PAWR: variants seen among roughly 807,000 people sequenced by gnomAD.
PAWR encodes the protein PRKC apoptosis WT1 regulator protein.
PAWR carries 23 observed loss-of-function variants against 32.0 expected under a neutral mutation model. The observed-to-expected ratio is 0.72, with a 90% CI of 0.52 to 1.02. PAWR has a LOEUF of 1.02. Among genes scored for constraint, PAWR ranks in the 50% least tolerant of loss-of-function variants. The probability of loss-of-function intolerance (pLI) is 0.00; values close to 1 mark genes in which losing one functional copy is unlikely to be tolerated. For missense variants in PAWR, 457 were observed against 437.7 expected (o/e 1.04, Z -0.39); for synonymous variants, 226 against 187.1 (o/e 1.21, Z -1.70).
chr12:79,612,115 T>C (rs1874465589), intron 4 of PAWR, among the ~76,000 whole-genome samples: 1 of 152,164 alleles, frequency 6.6e-6, no homozygotes, highest in South Asian at 2.1e-4. Context: ...ATCAAGGCTA[T>C]TTCATAATTA....
chr12:79,632,332 T>C lies in PAWR; in HGVS notation c.517-11125A>G, dbSNP rs1255871963. On this transcript the variant is annotated intron_variant, in intron 2 of 6. Transcript: ENST00000328827. ...ACATACATATATATATATATATATATATATATATATATATATATATATATA... is the reference window on the plus strand; with the variant it reads ...ACATACATATATATATATATATATACATATATATATATATATATATATATA... Among the ~76,000 whole-genome samples the C allele has an allele frequency of 1.1e-3, 56 of 48,730 alleles. 3 individuals are homozygous for C. The highest frequency in any genetic ancestry group is 3.7e-3 in the African/African-American group (13 of 3,474). 32.0% of individuals were successfully genotyped at this position (48,730 alleles called of 152,430 possible).
chr12:79,689,866 C>T lies in PAWR; in HGVS notation c.379G>A (p.Glu127Lys). ...ASAAPPPQRD[E>K]EEPDGVPEKG... ...TCTGGGACGCCGTCCGGCTCCTCCT[C>T]GTCACGCTGGGGCGGCGGTGCAGCC... The change falls in exon 2 of 7, where the codon GAG (glutamate) becomes AAG (lysine). Residue 127 changes from glutamate to lysine, a missense_variant. By Grantham distance (56) the Glu-to-Lys change is moderately conservative. Transcript: ENST00000328827. The T allele has an allele frequency of 5.1e-6, 8 of 1,571,804 alleles. No individual in the cohort carries two copies. Among genetic ancestry groups the T allele is most frequent in the Non-Finnish European group, 6.9e-6 (8 of 1,159,894 alleles).
At chr12:79,672,432 C>G (rs757503966) in intron 2 of PAWR, among the ~76,000 whole-genome samples, 2 of 152,072 alleles carry the variant, frequency 1.3e-5, no homozygotes, top group Non-Finnish European at 2.9e-5. Context: ...TTCTTTCTCC[C>G]CACAATCTCT....
chr12:79,648,358 G>C (rs1876677469), intron 2 of PAWR, among the ~76,000 whole-genome samples: 1 of 151,958 alleles, frequency 6.6e-6, no homozygotes, highest in African/African-American at 2.4e-5. Context: ...TTACATTGCT[G>C]GTTCGGTAAA....
chr12:79,606,010 G>A lies in PAWR; in HGVS notation c.683+7565C>T, dbSNP rs8176891. On this transcript the variant is annotated intron_variant, in intron 4 of 6. Coordinates refer to ENST00000328827, the MANE Select transcript of PAWR (RefSeq NM_002583.4). Reference sequence around the variant, plus strand: ...AATCACTTGAACCCACAACGCGGGGGTTGCAGTGAGCCGAGATTGCACCAC... The same window carrying A: ...AATCACTTGAACCCACAACGCGGGGATTGCAGTGAGCCGAGATTGCACCAC... 7.9e-5 allele frequency among the ~76,000 whole-genome samples: 12 copies of A among 152,212 alleles called. 1 individual carries two copies. Among genetic ancestry groups the A allele is most frequent in the Admixed American group, 3.9e-4 (6 of 15,274 alleles).
chr12:79,608,406 A>C (rs1301670025), intron 4 of PAWR, among the ~76,000 whole-genome samples: 1 of 152,148 alleles, frequency 6.6e-6, no homozygotes, highest in Admixed American at 6.5e-5. Context: ...TCGCATGAAC[A>C]GTTCACAATA....
At chr12:79,624,317 T>C (rs1488735646) in intron 2 of PAWR, among the ~76,000 whole-genome samples, 1 of 151,686 alleles carries the variant, frequency 6.6e-6, no homozygotes, top group Non-Finnish European at 1.5e-5. Context: ...TACCAGTATA[T>C]TAAAAGAAAA....
intron 2 of PAWR, among the ~76,000 whole-genome samples, chr12:79,652,866 TAATAA>T (rs1466966322): frequency 2.6e-5 from 4 of 152,230 alleles, no homozygotes; most frequent in Non-Finnish European, 5.9e-5. Context: ...ACCAGTAAAG[TAATAA>T]AATAATATAG....
chr12:79,606,160 T>C (rs766198021), intron 4 of PAWR, among the ~76,000 whole-genome samples: 4 of 152,102 alleles, frequency 2.6e-5, no homozygotes, highest in Non-Finnish European at 5.9e-5. Flanking sequence ...GACAAATCTA[T>C]AAGGACAGAA....
intron 3 of PAWR, among the ~76,000 whole-genome samples, chr12:79,620,095 T>C (rs1874930559): frequency 6.6e-6 from 1 of 152,246 alleles, no homozygotes; most frequent in African/African-American, 2.4e-5. Flanking sequence ...AGTAAAATTA[T>C]GGCATAACAT....
At chr12:79,636,637 C>A (rs1280216939) in intron 2 of PAWR, among the ~76,000 whole-genome samples, 1 of 152,130 alleles carries the variant, frequency 6.6e-6, no homozygotes, top group Non-Finnish European at 1.5e-5. Flanking sequence ...TATTGTTTCA[C>A]ATTCCTTTCT....
At position 79,683,027 on chromosome 12, in the gene PAWR, C is replaced by G. The variant is rs572501498; in HGVS notation, c.516+6702G>C. ...ATTAAAAATGAGTGAAAGTAAAGTT[C>G]TAATTACGCATTAACTATTTGAGGT... is the stretch of plus-strand genomic sequence containing the variant. On this transcript the variant is annotated intron_variant, in intron 2 of 6. Coordinates refer to ENST00000328827, the MANE Select transcript of PAWR (RefSeq NM_002583.4). Among the ~76,000 whole-genome samples the G allele has an allele frequency of 3.3e-5, 5 of 152,280 alleles. No individual in the cohort carries two copies. In the East Asian group the frequency reaches 7.7e-4, roughly 23 times the overall value.
chr12:79,658,428 G>C (rs1292159556), intron 2 of PAWR, among the ~76,000 whole-genome samples: 1 of 152,066 alleles, frequency 6.6e-6, no homozygotes, highest in African/African-American at 2.4e-5. Context: ...GTGAGTAATA[G>C]GGGGTTGTGT....
At chr12:79,602,585 AG>A (rs925355673) in intron 4 of PAWR, among the ~76,000 whole-genome samples, 2 of 152,164 alleles carry the variant, frequency 1.3e-5, no homozygotes, top group Non-Finnish European at 2.9e-5. Context: ...AAAAAAAATA[AG>A]TGTCATAAAT....
At chr12:79,641,312 G>A (rs1876312004) in intron 2 of PAWR, among the ~76,000 whole-genome samples, 1 of 152,088 alleles carries the variant, frequency 6.6e-6, no homozygotes, top group African/African-American at 2.4e-5. Context: ...CTATGAGATA[G>A]GTACTATTTT....
chr12:79,629,584 T>C (rs2136738940), intron 2 of PAWR, among the ~76,000 whole-genome samples: 1 of 152,000 alleles, frequency 6.6e-6, no homozygotes, highest in South Asian at 2.1e-4. Context: ...AGGTGGGAAA[T>C]GTGTAGAGAT....
At chr12:79,677,074 C>T (rs1878204308) in intron 2 of PAWR, among the ~76,000 whole-genome samples, 1 of 152,128 alleles carries the variant, frequency 6.6e-6, no homozygotes, top group South Asian at 2.1e-4. Context: ...TGTCCAAATC[C>T]TGGCAGTGCT....
At chr12:79,656,378 A>G (rs1007974120) in intron 2 of PAWR, among the ~76,000 whole-genome samples, 1 of 152,222 alleles carries the variant, frequency 6.6e-6, no homozygotes, top group Non-Finnish European at 1.5e-5. Flanking sequence ...GGAGAGAAGT[A>G]GATGAATCTG....
At chr12:79,598,640 TTTGA>T (rs1873849916) in intron 4 of PAWR, among the ~76,000 whole-genome samples, 1 of 152,230 alleles carries the variant, frequency 6.6e-6, no homozygotes, top group Admixed American at 6.5e-5. Flanking sequence ...TTGTAAGGTA[TTTGA>T]TTGTAACCTT....
Sources: allele counts gnomAD v4.1 joint callset (sites outside exome capture counted in the v4.1 genomes callset), GRCh38; gene constraint gnomAD v4.1.1; transcripts MANE v1.5; gene names NCBI Gene and HGNC (gene_info 2026-07-23, HGNC 2026-07-21).